USP4: variants seen among roughly 807,000 people sequenced by gnomAD.
USP4 encodes the protein ubiquitin carboxyl-terminal hydrolase 4.
USP4 carries 72 observed loss-of-function variants against 118.2 expected under a neutral mutation model. The ratio of observed to expected loss-of-function variants is 0.61; its 90% CI spans 0.50 to 0.74. The LOEUF (loss-of-function observed/expected upper bound fraction) is 0.74. Ranked by LOEUF, USP4 falls within the 30% of genes least tolerant of loss-of-function variation. The probability of loss-of-function intolerance (pLI) is 0.00; values close to 1 mark genes in which losing one functional copy is unlikely to be tolerated. For synonymous variants in USP4, 415 were observed against 440.4 expected, an observed-to-expected ratio of 0.94 and a Z score of 0.72; for missense variants, 1,037 against 1,185.7, an observed-to-expected ratio of 0.87 and a Z score of 1.84.
At chr3:49,328,663 C>T (rs1168085850) in intron 2 of USP4, among the ~76,000 whole-genome samples, 1 of 151,904 alleles carries the variant, frequency 6.6e-6, no homozygotes. Context: ...AATTCAAGAT[C>T]AGCCTGGCCA....
chr3:49,285,973 A>G, intron 16 of USP4, 125 bp downstream of exon 16: 4 of 882,930 alleles, frequency 4.5e-6, no homozygotes, highest in Non-Finnish European at 7.0e-6. Flanking sequence ...CAAGGGTCAT[A>G]CAAGTGCTGC....
At chr3:49,280,967 C>CGA in intron 19 of USP4, 120 bp from the exon 20 acceptor site, 1 of 700,294 alleles carries the variant, frequency 1.4e-6, no homozygotes, top group Admixed American at 2.4e-5. Context: ...TCAAACTATT[C>CGA]GAGAGAGACC....
chr3:49,312,309 T>G, intron 6 of USP4: 1 of 347,230 alleles, frequency 2.9e-6, no homozygotes, highest in South Asian at 2.1e-5. Flanking sequence ...CAAGACACAG[T>G]GAAACCACAT....
At chr3:49,279,140 T>A (rs1425899207) in intron 20 of USP4, 1 of 278,708 alleles carries the variant, frequency 3.6e-6, no homozygotes, top group African/African-American at 2.2e-5. Context: ...TTTTAAACTA[T>A]AATTTTGGGA....
At chr3:49,284,792 C>G in intron 17 of USP4, 57 bp downstream of exon 17, 1 of 1,516,428 alleles carries the variant, frequency 6.6e-7, no homozygotes, top group Non-Finnish European at 9.1e-7. Context: ...TGATCGCAGT[C>G]CACATCCAGA....
At chr3:49,317,618 T>C (rs1391083345) in intron 6 of USP4, 3 of 579,690 alleles carry the variant, frequency 5.2e-6, no homozygotes, top group African/African-American at 3.8e-5. Context: ...ATCGGCTCAC[T>C]GCATGCTCCG....
chr3:49,324,250 C>T (rs919448529), intron 6 of USP4, among the ~76,000 whole-genome samples: 1 of 152,172 alleles, frequency 6.6e-6, no homozygotes, highest in Non-Finnish European at 1.5e-5. Flanking sequence ...CCACCTCCCA[C>T]GGCCTCTCAA....
At chr3:49,328,184 C>T (rs956638502) in intron 2 of USP4, among the ~76,000 whole-genome samples, 1 of 151,848 alleles carries the variant, frequency 6.6e-6, no homozygotes, top group African/African-American at 2.4e-5. Context: ...ATGGTGAAAC[C>T]CCGTCTCTAC....
chr3:49,324,642 A>C, intron 6 of USP4, 60 bp downstream of exon 6: 1 of 1,486,916 alleles, frequency 6.7e-7, no homozygotes, highest in Non-Finnish European at 9.4e-7. Context: ...GTACTGCCTT[A>C]GGAAAGACTG....
At chr3:49,309,070 T>C (rs926602593) in intron 8 of USP4, among the ~76,000 whole-genome samples, 1 of 149,298 alleles carries the variant, frequency 6.7e-6, no homozygotes, top group African/African-American at 2.5e-5. Context: ...TACCATGTAC[T>C]GACTCCATAG....
At chr3:49,329,685 G>A (rs1463748444) in intron 2 of USP4, among the ~76,000 whole-genome samples, 2 of 152,076 alleles carry the variant, frequency 1.3e-5, no homozygotes, top group Non-Finnish European at 2.9e-5. Context: ...ATAGGTATAA[G>A]CCACTGCACC....
chr3:49,289,309 C>T (rs1481797077), intron 15 of USP4, among the ~76,000 whole-genome samples: 1 of 152,104 alleles, frequency 6.6e-6, no homozygotes, highest in African/African-American at 2.4e-5. Context: ...CGCATGACCT[C>T]AAATTGTAAT....
chr3:49,331,251 C>T (rs2047614523), intron 2 of USP4, among the ~76,000 whole-genome samples: 2 of 151,770 alleles, frequency 1.3e-5, no homozygotes, highest in South Asian at 2.1e-4. Context: ...ACCTGGGAGG[C>T]AGAGGTTGTG....
rs2046975646 is a variant in USP4 at position 49,277,449 on chromosome 3, A to G, written c.*844T>C. 4.0e-6 allele frequency: 1 copy of G among 248,570 alleles called. No homozygotes were observed. The highest frequency in any genetic ancestry group is 8.3e-6 in the Non-Finnish European group (1 of 120,776). 15.4% of individuals were successfully genotyped at this position (248,570 alleles called of 1,614,324 possible). Reference sequence around the variant, plus strand: ...AAGCATCTGGGTAACACCAAAATGTATTACTACCCTAAATCGCCATGAACT... The same window carrying G: ...AAGCATCTGGGTAACACCAAAATGTGTTACTACCCTAAATCGCCATGAACT... On this transcript the variant is annotated 3_prime_UTR_variant, in exon 22 of 22. Coordinates refer to ENST00000265560, the MANE Select transcript of USP4 (RefSeq NM_003363.4).
chr3:49,294,702 G>C, intron 13 of USP4, 104 bp from the exon 14 acceptor site: 1 of 1,078,914 alleles, frequency 9.3e-7, no homozygotes, highest in Admixed American at 2.5e-5. Context: ...TACTGGGACA[G>C]AGCATATTTG....
intron 20 of USP4, 131 bp from the exon 21 acceptor site, chr3:49,279,033 G>A (rs2046990204): frequency 2.0e-6 from 1 of 501,968 alleles, no homozygotes; most frequent in Non-Finnish European, 3.4e-6. Context: ...TTTACAGTGT[G>A]TGTCTTAACA....
intron 6 of USP4, chr3:49,312,946 A>T (rs1440527844): frequency 7.5e-6 from 1 of 133,986 alleles, no homozygotes; most frequent in Admixed American, 8.0e-5. Flanking sequence ...GCTGGAGTGC[A>T]GTGGCACAAT....
In USP4 at chr3:49,284,606, G is replaced by C. The variant is rs776145049; in HGVS notation, c.2272-22C>G. ...AGGCCTATGGGAATCAAAGCACTCA[G>C]TTCTGCTGGAGAAAGAGATCTTACT... On this transcript the variant is annotated intron_variant, in intron 17 of 21. Coordinates refer to ENST00000265560, the MANE Select transcript of USP4 (RefSeq NM_003363.4). 12 of 1,603,016 alleles carry C rather than the reference G, an allele frequency of 7.5e-6. No individual in the cohort carries two copies. In the Admixed American group the frequency reaches 2.0e-4, roughly 27 times the overall value.
intron 6 of USP4, among the ~76,000 whole-genome samples, chr3:49,321,448 T>C (rs1328913060): frequency 2.6e-5 from 4 of 152,132 alleles, no homozygotes; most frequent in Admixed American, 1.3e-4. Context: ...AGATACTAGT[T>C]GCTTTCTTAA....
Sources: gnomAD v4.1 joint callset for allele counts (sites outside exome capture counted in the v4.1 genomes callset) on GRCh38, gnomAD v4.1.1 for gene constraint, MANE v1.5 for transcripts, NCBI Gene and HGNC (gene_info 2026-07-23, HGNC 2026-07-21) for gene names.